The following SORCS2 variants were observed in gnomAD, a reference collection of about 807,000 sequenced individuals.
SORCS2 encodes VPS10 domain-containing receptor SorCS2.
Under a neutral mutation model 141.6 loss-of-function variants are expected in SORCS2, and 100 were observed. That is an observed-to-expected ratio of 0.71 (90% CI 0.60 to 0.83). The LOEUF is 0.83. Ranked by LOEUF, SORCS2 falls within the 40% of genes least tolerant of loss-of-function variation. SORCS2 has a pLI of 0.00. For synonymous variants in SORCS2, 789 were observed against 676.9 expected, an observed-to-expected ratio of 1.17 and a Z score of -2.57; for missense variants, 1,646 against 1,560.2, an observed-to-expected ratio of 1.05 and a Z score of -0.93.
chr4:7,669,916 G>A (rs1722699579), intron 8 of SORCS2, among the ~76,000 whole-genome samples: 2 of 152,224 alleles, frequency 1.3e-5, no homozygotes, highest in Admixed American at 6.5e-5. Flanking sequence ...TTTTTATTGA[G>A]GAGAGTGTAC....
At chr4:7,712,533 G>A (rs958236665) in intron 14 of SORCS2, among the ~76,000 whole-genome samples, 200 bp from the exon 15 acceptor site, 4 of 152,206 alleles carry the variant, frequency 2.6e-5, no homozygotes, top group African/African-American at 9.6e-5. Flanking sequence ...GAATATTCAC[G>A]CCGAAGCCTA....
At chr4:7,323,804 C>T (rs1719059827) in intron 1 of SORCS2, among the ~76,000 whole-genome samples, 1 of 152,062 alleles carries the variant, frequency 6.6e-6, no homozygotes, top group Non-Finnish European at 1.5e-5. Flanking sequence ...GGAACAGAAC[C>T]CCCATCTCCC....
At chr4:7,539,891 G>C (rs1388559044) in intron 3 of SORCS2, among the ~76,000 whole-genome samples, 4 of 148,294 alleles carry the variant, frequency 2.7e-5, no homozygotes, top group African/African-American at 1.0e-4. Flanking sequence ...TGCTGTGGGG[G>C]CCACGCCCAC....
chr4:7,621,731 A>T (rs1374683328), intron 3 of SORCS2, among the ~76,000 whole-genome samples: 1 of 152,272 alleles, frequency 6.6e-6, no homozygotes, highest in African/African-American at 2.4e-5. Flanking sequence ...AATCAAAGAC[A>T]GGTTGCCGGG....
intron 14 of SORCS2, 33 bp downstream of exon 14, chr4:7,704,317 G>C: frequency 6.4e-7 from 1 of 1,566,768 alleles, no homozygotes; most frequent in Middle Eastern, 1.7e-4. Context: ...GGGCACTGGT[G>C]GCAGGGCAGA....
At chr4:7,271,434 C>G (rs1462468533) in intron 1 of SORCS2, among the ~76,000 whole-genome samples, 1 of 152,246 alleles carries the variant, frequency 6.6e-6, no homozygotes, top group Non-Finnish European at 1.5e-5. Flanking sequence ...CCTTTCGTGT[C>G]TGCTGTTGCC....
intron 17 of SORCS2, among the ~76,000 whole-genome samples, chr4:7,716,061 G>A (rs1344127317): frequency 1.3e-5 from 2 of 152,130 alleles, no homozygotes; most frequent in East Asian, 1.9e-4. Flanking sequence ...TGGACATACT[G>A]CTATGAAGGA....
chr4:7,591,406 C>G (rs1716904385), intron 3 of SORCS2, among the ~76,000 whole-genome samples: 1 of 152,152 alleles, frequency 6.6e-6, no homozygotes, highest in African/African-American at 2.4e-5. Context: ...CCTGGTGCTA[C>G]CCCCTGCGAG....
chr4:7,428,691 C>A (rs1041833593), intron 2 of SORCS2, among the ~76,000 whole-genome samples: 2 of 151,762 alleles, frequency 1.3e-5, no homozygotes, highest in African/African-American at 4.8e-5. Context: ...AAGGCCAGGC[C>A]GGGGTGGCTG....
chr4:7,376,221 G>C (rs1015189435), intron 1 of SORCS2, among the ~76,000 whole-genome samples: 1 of 151,926 alleles, frequency 6.6e-6, no homozygotes, highest in Non-Finnish European at 1.5e-5. Context: ...TTTTTCCCTG[G>C]TTGTAAATAT....
At chr4:7,718,247 G>T in intron 18 of SORCS2, 64 bp downstream of exon 18, 5 of 1,554,808 alleles carry the variant, frequency 3.2e-6, no homozygotes, top group Non-Finnish European at 4.3e-6. Context: ...AACTGGGCAC[G>T]CAGAAGGCAC....
chr4:7,715,277 T>G lies in SORCS2; in HGVS notation c.2218T>G (p.Cys740Gly). 1 of 1,613,288 alleles carries G rather than the reference T, an allele frequency of 6.2e-7. No homozygotes were observed. Among genetic ancestry groups the G allele is most frequent in the Non-Finnish European group, 8.5e-7 (1 of 1,179,720 alleles). Reference sequence around the variant, plus strand: ...TAACCCATTGTCCCCGCCTGACGACTGTGCCCTGGGCCAGACCTACACCAG... The same window carrying G: ...TAACCCATTGTCCCCGCCTGACGACGGTGCCCTGGGCCAGACCTACACCAG... ...WFNPLSPPDD[C>G]ALGQTYTSSL... Residue 740 changes from cysteine to glycine, a missense_variant, in exon 17 of 27, where the codon TGT becomes GGT. Physicochemically the swap from Cys to Gly is radical, Grantham distance 159. Transcript: ENST00000507866.
chr4:7,724,666 A>T (rs1384497377), intron 19 of SORCS2, among the ~76,000 whole-genome samples: 1 of 117,332 alleles, frequency 8.5e-6, no homozygotes, highest in African/African-American at 3.3e-5. Flanking sequence ...AGTTATGGTG[A>T]TAATGGTGGT....
intron 2 of SORCS2, among the ~76,000 whole-genome samples, chr4:7,437,725 T>TA (rs1214901514): frequency 1.3e-5 from 2 of 149,732 alleles, no homozygotes; most frequent in South Asian, 4.3e-4. Context: ...CTTTTTTTTT[T>TA]ATCCCATGGC....
chr4:7,220,183 C>G (rs1429125392), intron 1 of SORCS2, among the ~76,000 whole-genome samples: 2 of 152,046 alleles, frequency 1.3e-5, no homozygotes, highest in African/African-American at 4.8e-5. Flanking sequence ...CGAGGCGGCC[C>G]TGCACTGAGG....
chr4:7,499,442 C>T (rs906588019), intron 2 of SORCS2, among the ~76,000 whole-genome samples: 4 of 152,140 alleles, frequency 2.6e-5, no homozygotes, highest in Non-Finnish European at 5.9e-5. Context: ...CCAGGGATGC[C>T]ACTGCAGGGG....
At chr4:7,359,061 C>A (rs375352019) in intron 1 of SORCS2, among the ~76,000 whole-genome samples, 2 of 152,134 alleles carry the variant, frequency 1.3e-5, no homozygotes, top group Admixed American at 1.3e-4. Flanking sequence ...TTCGGGAGGC[C>A]GAGGCAGGGG....
chr4:7,393,958 T>C (rs926859639), intron 1 of SORCS2, among the ~76,000 whole-genome samples: 1 of 152,076 alleles, frequency 6.6e-6, no homozygotes, highest in Non-Finnish European at 1.5e-5. Context: ...TCCTTCTCCT[T>C]GATGACTGCC....
chr4:7,606,118 C>G (rs975438178), intron 3 of SORCS2, among the ~76,000 whole-genome samples: 2 of 152,138 alleles, frequency 1.3e-5, no homozygotes, highest in African/African-American at 4.8e-5. Context: ...CTCCCATGAA[C>G]CACCCCTTCT....
Sources: allele counts gnomAD v4.1 joint callset (sites outside exome capture counted in the v4.1 genomes callset), GRCh38; gene constraint gnomAD v4.1.1; transcripts MANE v1.5; gene names NCBI Gene and HGNC (gene_info 2026-07-23, HGNC 2026-07-21).